WDR49: variants seen among roughly 807,000 people sequenced by gnomAD.
WDR49 encodes the protein cilia- and flagella-associated protein 337.
In WDR49, 107 loss-of-function variants were observed where a neutral mutation model predicts 119.5. That is an observed-to-expected ratio of 0.90 (90% confidence interval 0.77 to 1.05). The LOEUF is 1.05. WDR49 is among the 50% of genes least tolerant of loss of function. The pLI is 0.00. For missense variants in WDR49, 1,240 were observed against 1,220.5 expected, an observed-to-expected ratio of 1.02 and a Z score of -0.24; for synonymous variants, 425 against 418.8, an observed-to-expected ratio of 1.01 and a Z score of -0.18.
intron 7 of WDR49, among the ~76,000 whole-genome samples, chr3:167,579,093 A>T (rs186693985): frequency 2.0e-5 from 3 of 152,056 alleles, no homozygotes; most frequent in Admixed American, 2.0e-4. Flanking sequence ...AAGGCCCTTG[A>T]TTCCCCTTCA....
In WDR49 at chr3:167,551,153, A is replaced by G. The variant is rs1416976912; in HGVS notation, c.1823+3497T>C. ...ATAGCTAACATGTGCTCTCTAGTTCATTTTGCTTAGACCCAAACATTCATA... is the reference window on the plus strand; with the variant it reads ...ATAGCTAACATGTGCTCTCTAGTTCGTTTTGCTTAGACCCAAACATTCATA... On this transcript the variant is annotated intron_variant, in intron 10 of 18. Transcript: ENST00000682715. Among the ~76,000 whole-genome samples, 3 of 151,988 alleles carry G rather than the reference A, an allele frequency of 2.0e-5. No individual in the cohort carries two copies. The East Asian group carries it at 5.8e-4, about 29-fold the overall frequency.
intron 2 of WDR49, among the ~76,000 whole-genome samples, chr3:167,650,804 G>A (rs892787329): frequency 3.3e-5 from 5 of 152,066 alleles, no homozygotes; most frequent in African/African-American, 1.2e-4. Flanking sequence ...TACTCTCTGT[G>A]GCATGCACTT....
chr3:167,555,855 A>C (rs1712894378), intron 9 of WDR49, among the ~76,000 whole-genome samples: 1 of 152,214 alleles, frequency 6.6e-6, no homozygotes, highest in Non-Finnish European at 1.5e-5. Flanking sequence ...TTGTGCCACT[A>C]TCATACAGTG....
At chr3:167,558,657 A>C (rs545602045) in intron 9 of WDR49, among the ~76,000 whole-genome samples, 7 of 152,314 alleles carry the variant, frequency 4.6e-5, no homozygotes, top group African/African-American at 1.4e-4. Flanking sequence ...TACCAAGTCC[A>C]CCTTAAATAA....
chr3:167,515,716 CATG>C (rs1459376705), intron 16 of WDR49, among the ~76,000 whole-genome samples: 1 of 152,182 alleles, frequency 6.6e-6, no homozygotes, highest in Admixed American at 6.6e-5. Context: ...TTGCAGGTGA[CATG>C]ATACTATATC....
intron 18 of WDR49, among the ~76,000 whole-genome samples, chr3:167,496,916 C>T (rs895029740): frequency 2.0e-5 from 3 of 147,488 alleles, no homozygotes; most frequent in Admixed American, 6.6e-5. Flanking sequence ...CCTCTACTAA[C>T]GAGAGGTAAA....
chr3:167,592,592 G>A (rs546220214), intron 7 of WDR49, among the ~76,000 whole-genome samples: 162 of 151,924 alleles, frequency 1.1e-3, no homozygotes, highest in African/African-American at 1.5e-3. Flanking sequence ...ACACCACCAC[G>A]CCCAGCTAAT....
At chr3:167,569,439 A>T (rs1255473929) in intron 8 of WDR49, among the ~76,000 whole-genome samples, 1 of 152,190 alleles carries the variant, frequency 6.6e-6, no homozygotes, top group African/African-American at 2.4e-5. Context: ...CATTCTATGT[A>T]TAATATTTTC....
intron 18 of WDR49, among the ~76,000 whole-genome samples, chr3:167,496,950 A>T (rs1381843309): frequency 1.3e-5 from 2 of 152,128 alleles, no homozygotes; most frequent in Non-Finnish European, 2.9e-5. Context: ...TAATGTCTCA[A>T]TATCTGAAGT....
In WDR49 at chr3:167,629,158, AGG is replaced by A. The variant is rs1327284112; in HGVS notation, c.166-1868_166-1867del. Among the ~76,000 whole-genome samples, 5 of 152,172 alleles carry A rather than the reference AGG, an allele frequency of 3.3e-5. No individual in the cohort carries two copies. The East Asian group carries it at 9.7e-4, about 30-fold the overall frequency. The stretch of plus-strand genomic sequence containing the variant: ...TCTTAGTTACTTGGGAAGCTGAGGT[AGG>A]GGTGTCACTTAAGCCTGGGAGATAG... On this transcript the variant is annotated intron_variant, in intron 2 of 18. Coordinates refer to ENST00000682715, the MANE Select transcript of WDR49 (RefSeq NM_001366157.1).
At chr3:167,583,876 T>C (rs1477501532) in intron 7 of WDR49, among the ~76,000 whole-genome samples, 1 of 152,128 alleles carries the variant, frequency 6.6e-6, no homozygotes, top group Non-Finnish European at 1.5e-5. Context: ...AATAACTATA[T>C]ATTAGTAACA....
At chr3:167,564,162 T>C (rs1221069349) in intron 8 of WDR49, among the ~76,000 whole-genome samples, 1 of 152,244 alleles carries the variant, frequency 6.6e-6, no homozygotes, top group African/African-American at 2.4e-5. Context: ...TTTCTCTGCT[T>C]ATTTAACAAT....
intron 18 of WDR49, 73 bp from the exon 19 acceptor site, chr3:167,479,069 G>T: frequency 2.6e-6 from 3 of 1,147,156 alleles, no homozygotes; most frequent in Non-Finnish European, 3.7e-6. Flanking sequence ...ATAGTGGGGA[G>T]AAAATTCTCA....
chr3:167,526,420 G>A (rs1752630610), intron 15 of WDR49, among the ~76,000 whole-genome samples: 1 of 152,080 alleles, frequency 6.6e-6, no homozygotes, highest in Non-Finnish European at 1.5e-5. Flanking sequence ...TTTACCTGTT[G>A]TTCAAACCTC....
intron 2 of WDR49, among the ~76,000 whole-genome samples, chr3:167,633,062 C>T (rs569854776): frequency 5.4e-4 from 81 of 151,198 alleles, no homozygotes; most frequent in Non-Finnish European, 9.3e-4. Flanking sequence ...TCAGCAATGA[C>T]GGTTTTCTGA....
chr3:167,576,049 C>T lies in WDR49; in HGVS notation c.1378G>A (p.Ala460Thr), dbSNP rs1251528706. The change falls in exon 8 of 19, where the codon GCC (alanine) becomes ACC (threonine). Residue 460 changes from alanine (A) to threonine (T), a missense_variant. Transcript: ENST00000682715. The stretch of plus-strand genomic sequence containing the variant: ...AACGAGATGAAAAGTCGTCCATGGG[C>T]TTCATCAAAGTGGAAGAGACATCTG... ...DFRCLFHFDE[A>T]HGRLFISFNN... 1 of 1,614,148 alleles carries T rather than the reference C, an allele frequency of 6.2e-7. No individual in the cohort carries two copies. The highest frequency in any genetic ancestry group is 1.1e-5 in the South Asian group (1 of 91,086).
rs977585997 is a variant in WDR49 at position 167,578,807 on chromosome 3, G to A, written c.1276-2656C>T. Among the ~76,000 whole-genome samples, 4 of 152,134 alleles carry A rather than the reference G, an allele frequency of 2.6e-5. No homozygotes were observed. The South Asian group carries it at 8.3e-4, about 32-fold the overall frequency. The stretch of plus-strand genomic sequence containing the variant: ...AGCCTCTCCATCATGCTTTTCACTT[G>A]CCTTGATGTCTTAATTGAGCAAAAT... On this transcript the variant is annotated intron_variant, in intron 7 of 18. Transcript: ENST00000682715.
chr3:167,567,507 T>C (rs1363217635), intron 8 of WDR49, among the ~76,000 whole-genome samples: 1 of 152,212 alleles, frequency 6.6e-6, no homozygotes, highest in Non-Finnish European at 1.5e-5. Context: ...AGGAATTTAT[T>C]GTTTCAGGTT....
At chr3:167,615,641 G>A (rs956147007) in intron 5 of WDR49, among the ~76,000 whole-genome samples, 6 of 151,398 alleles carry the variant, frequency 4.0e-5, no homozygotes, top group African/African-American at 1.5e-4. Context: ...GAAACTAATA[G>A]GAATTATTAA....
Sources: gnomAD v4.1 joint callset for allele counts (sites outside exome capture counted in the v4.1 genomes callset) on GRCh38, gnomAD v4.1.1 for gene constraint, MANE v1.5 for transcripts, NCBI Gene and HGNC (gene_info 2026-07-23, HGNC 2026-07-21) for gene names.